The following UBE4B variants were observed in gnomAD, a reference collection of about 807,000 sequenced individuals.
UBE4B encodes the protein ubiquitination factor E4B.
Under a neutral mutation model 148.1 loss-of-function variants are expected in UBE4B, and 27 were observed. That is an observed-to-expected ratio of 0.18 (90% CI 0.13 to 0.25). UBE4B has a LOEUF of 0.25. Among genes scored for constraint, UBE4B ranks in the 10% least tolerant of loss-of-function variants. The pLI is 1.00. For missense variants in UBE4B, 1,170 were observed against 1,662.4 expected (o/e 0.70, Z 5.15); for synonymous variants, 596 against 619.3 (o/e 0.96, Z 0.56).
chr1:10,163,950 C>A (rs1646207757), intron 23 of UBE4B, among the ~76,000 whole-genome samples: 1 of 150,810 alleles, frequency 6.6e-6, no homozygotes, highest in Non-Finnish European at 1.5e-5. Flanking sequence ...TGGTCTTGAA[C>A]TCCTGGCCTC....
At chr1:10,144,884 T>C in intron 17 of UBE4B, 56 bp from the exon 18 acceptor site, 1 of 1,311,224 alleles carries the variant, frequency 7.6e-7, no homozygotes, top group Non-Finnish European at 1.1e-6. Flanking sequence ...GCAAGATGAA[T>C]GGGTAAGATG....
intron 2 of UBE4B, among the ~76,000 whole-genome samples, chr1:10,079,817 T>C (rs1643685335): frequency 1.3e-5 from 2 of 152,222 alleles, no homozygotes; most frequent in Non-Finnish European, 2.9e-5. Flanking sequence ...TTAATGATTA[T>C]TTAACTTAAA....
intron 18 of UBE4B, 30 bp from the exon 19 acceptor site, chr1:10,146,933 C>T (rs774516669): frequency 9.9e-6 from 16 of 1,611,534 alleles, no homozygotes; most frequent in South Asian, 5.5e-5. Context: ...ACTGACTGAT[C>T]TTTGGGTGGG....
intron 21 of UBE4B, among the ~76,000 whole-genome samples, chr1:10,153,370 G>T (rs987458053): frequency 1.3e-5 from 2 of 151,284 alleles, no homozygotes; most frequent in Admixed American, 1.3e-4. Context: ...GATGCCTGTT[G>T]TCCCAGCTAC....
chr1:10,135,106 G>C lies in UBE4B; in HGVS notation c.2144G>C (p.Arg715Thr), dbSNP rs752526141. 6.2e-7 allele frequency: 1 copy of C among 1,614,068 alleles called. No individual in the cohort carries two copies. ...GATCCCACGTATATTTTTCACCCAA[G>C]ATGTCGGATTACTCTTCCCAATGAT... is the stretch of plus-strand genomic sequence containing the variant. Reference protein sequence around the residue: ...TVDPTYIFHPRCRITLPNDET... With the variant: ...TVDPTYIFHPTCRITLPNDET... The change falls in exon 16 of 28, where the codon AGA becomes ACA. Residue 715 changes from arginine to threonine, a missense_variant. Around this residue, in one of 6 missense-constraint regions of UBE4B, gnomAD observed 388 missense variants for 536.0 expected, o/e 0.72. Coordinates refer to ENST00000343090, the MANE Select transcript of UBE4B (RefSeq NM_001105562.3).
chr1:10,178,899 A>C (rs762098095), intron 26 of UBE4B, 81 bp downstream of exon 26: 1 of 1,439,672 alleles, frequency 6.9e-7, no homozygotes, highest in Admixed American at 2.6e-5. Context: ...CGTCCTGTGC[A>C]ATTAATTTTT....
intron 7 of UBE4B, among the ~76,000 whole-genome samples, chr1:10,112,698 A>G (rs1286815960): frequency 1.3e-5 from 2 of 152,184 alleles, no homozygotes; most frequent in African/African-American, 2.4e-5. Flanking sequence ...AAATTTATGC[A>G]TGTACTATAT....
intron 23 of UBE4B, chr1:10,163,223 G>A (rs7412246): frequency 6.6e-6 from 1 of 151,964 alleles, no homozygotes; most frequent in Non-Finnish European, 1.5e-5. Context: ...GTACCACCAC[G>A]CTTGGCTAAT....
At chr1:10,124,021 C>T (rs1011453841) in intron 10 of UBE4B, among the ~76,000 whole-genome samples, 3 of 152,044 alleles carry the variant, frequency 2.0e-5, no homozygotes, top group South Asian at 4.1e-4. Context: ...GTGATCCACC[C>T]GCCTCAGCCG....
intron 21 of UBE4B, among the ~76,000 whole-genome samples, chr1:10,157,350 A>T (rs188206438): frequency 6.6e-6 from 1 of 152,086 alleles, no homozygotes; most frequent in East Asian, 1.9e-4. Flanking sequence ...TGGTGGATAC[A>T]CCTCCAGTCC....
At chr1:10,127,518 T>C (rs1359203160) in intron 11 of UBE4B, among the ~76,000 whole-genome samples, 1 of 152,230 alleles carries the variant, frequency 6.6e-6, no homozygotes, top group East Asian at 1.9e-4. Flanking sequence ...ATTCGCTTAT[T>C]TGAAATTTTG....
In UBE4B at chr1:10,168,047, A is replaced by G; in HGVS notation, c.3199-89A>G. On this transcript the variant is annotated intron_variant, in intron 23 of 27. Transcript: ENST00000343090. The surrounding 1 kb of genome is among the most constrained non-coding windows in gnomAD (Gnocchi z 4.9). ...GTCATTCCCTAAGCATGTTGGGTTTATCACGCACTTTCCAGTTATGTGCTT... is the reference window on the plus strand; with the variant it reads ...GTCATTCCCTAAGCATGTTGGGTTTGTCACGCACTTTCCAGTTATGTGCTT... The G allele has an allele frequency of 1.4e-6, 2 of 1,473,602 alleles. No individual in the cohort carries two copies. The highest frequency in any genetic ancestry group is 2.0e-4 in the Middle Eastern group (1 of 4,932). 91.3% of individuals were successfully genotyped at this position (1,473,602 alleles called of 1,614,324 possible). A position where few individuals can be genotyped will look rare whatever the true frequency, so the allele number is the denominator to read the frequency against.
At chr1:10,054,783 C>CTTTTT (rs1249879519) in intron 1 of UBE4B, 2 of 125,554 alleles carry the variant, frequency 1.6e-5, no homozygotes, top group Non-Finnish European at 3.2e-5. Flanking sequence ...TATCTTTCTC[C>CTTTTT]TTTTTTTTTT....
At position 10,137,921 on chromosome 1, in the gene UBE4B, C is replaced by CTTTTTTTTTTTTTTT. The variant is rs70998351; in HGVS notation, c.2363+733_2363+747dup. Among the ~76,000 whole-genome samples the CTTTTTTTTTTTTTTT allele has an allele frequency of 9.0e-5, 6 of 67,032 alleles. 1 individual carries two copies. Among genetic ancestry groups the CTTTTTTTTTTTTTTT allele is most frequent in the African/African-American group, 1.4e-4 (2 of 14,546 alleles). 44.0% of individuals were successfully genotyped at this position (67,032 alleles called of 152,430 possible). On this transcript the variant is annotated intron_variant, in intron 17 of 27. Coordinates refer to ENST00000343090, the MANE Select transcript of UBE4B (RefSeq NM_001105562.3). ...ACCTTGCTTAAATCACTTACTAATTCTTTTTTTTTTTTTTTTTTTTTTTTT... is the reference window on the plus strand; with the variant it reads ...ACCTTGCTTAAATCACTTACTAATTCTTTTTTTTTTTTTTTTTTTTTTTTTTTTTTTTTTTTTTTT...
At chr1:10,108,169 G>A (rs981081340) in intron 7 of UBE4B, among the ~76,000 whole-genome samples, 19 of 151,608 alleles carry the variant, frequency 1.3e-4, no homozygotes, top group Admixed American at 3.9e-4. Context: ...GTGTGTGTGC[G>A]TGCGTGCTCC....
intron 2 of UBE4B, among the ~76,000 whole-genome samples, chr1:10,081,735 C>G (rs1644685238): frequency 6.6e-6 from 1 of 152,212 alleles, no homozygotes; most frequent in African/African-American, 2.4e-5. Context: ...ATTACAGGCA[C>G]TGGCCACCAC....
Position 10,066,311 on chromosome 1 carries a change from G to C in UBE4B, c.25-5717G>C, listed in dbSNP as rs560153635. Among the ~76,000 whole-genome samples the C allele has an allele frequency of 9.9e-3, 1,503 of 151,922 alleles. 27 individuals carry two copies. Among genetic ancestry groups the C allele is most frequent in the African/African-American group, 0.034 (1,411 of 41,404 alleles). ...ATTTTTTATTTTTTGTGGGATTGGG[G>C]GGGGAGGGGGTCTTGCCATGTTCCC... is the stretch of plus-strand genomic sequence containing the variant. On this transcript the variant is annotated intron_variant, in intron 1 of 27. Transcript: ENST00000343090.
chr1:10,154,185 A>G (rs139444428), intron 21 of UBE4B, among the ~76,000 whole-genome samples: 2,658 of 149,356 alleles, frequency 0.018, 35 homozygotes, highest in Non-Finnish European at 0.028. Context: ...AGAGGTTGCA[A>G]TGAGCCAAGA....
intron 1 of UBE4B, among the ~76,000 whole-genome samples, chr1:10,057,845 A>G (rs2101806125): frequency 6.6e-6 from 1 of 152,276 alleles, no homozygotes; most frequent in Non-Finnish European, 1.5e-5. Context: ...TCACCTGGGA[A>G]AGTTCTCAAG....
Sources: allele counts gnomAD v4.1 joint callset (sites outside exome capture counted in the v4.1 genomes callset), GRCh38; gene constraint gnomAD v4.1.1; regional missense constraint gnomAD v4.1.1; non-coding constraint Gnocchi (gnomAD v3.1); transcripts MANE v1.5; gene names NCBI Gene and HGNC (gene_info 2026-07-23, HGNC 2026-07-21).